Variants in MYRIP observed in about 807,000 individuals in gnomAD.
MYRIP encodes the protein myosin VIIA and Rab interacting protein, also known as rab effector MyRIP.
In MYRIP, 49 loss-of-function variants were observed where a neutral mutation model predicts 98.0. The ratio of observed to expected loss-of-function variants is 0.50; its 90% CI spans 0.40 to 0.63. The LOEUF (loss-of-function observed/expected upper bound fraction) is 0.63, where lower values mean the gene tolerates loss of function less well. Ranked by LOEUF, MYRIP falls within the 30% of genes least tolerant of loss-of-function variation. The pLI, the probability that MYRIP is intolerant of heterozygous loss-of-function variation, is 0.00. For synonymous variants in MYRIP, 404 were observed against 409.5 expected, an observed-to-expected ratio of 0.99 and a Z score of 0.16; for missense variants, 1,004 against 1,058.2, an observed-to-expected ratio of 0.95 and a Z score of 0.71.
intron 7 of MYRIP, among the ~76,000 whole-genome samples, chr3:40,169,487 G>A (rs1950565771): frequency 6.6e-6 from 1 of 152,144 alleles, no homozygotes; most frequent in African/African-American, 2.4e-5. Context: ...CCCTTGATAG[G>A]GCTTCCAGAT....
chr3:40,164,702 C>T (rs933068447), intron 5 of MYRIP, among the ~76,000 whole-genome samples: 5 of 152,194 alleles, frequency 3.3e-5, no homozygotes, highest in South Asian at 4.1e-4. Flanking sequence ...TTAATCTTCC[C>T]TCCTACCCTT....
At chr3:39,905,890 T>C (rs1943867466) in intron 2 of MYRIP, among the ~76,000 whole-genome samples, 1 of 152,106 alleles carries the variant, frequency 6.6e-6, no homozygotes, top group African/African-American at 2.4e-5. Context: ...TATTGGAAAG[T>C]GGTCTTGAGA....
intron 2 of MYRIP, among the ~76,000 whole-genome samples, chr3:39,934,004 A>C (rs958772242): frequency 1.3e-5 from 2 of 152,210 alleles, no homozygotes; most frequent in African/African-American, 4.8e-5. Flanking sequence ...GTAAATTCTC[A>C]TGCTTTAGAC....
chr3:39,942,202 T>G (rs932871008), intron 2 of MYRIP, among the ~76,000 whole-genome samples: 1 of 152,152 alleles, frequency 6.6e-6, no homozygotes. Context: ...GTGTGTTCAG[T>G]GCAGGTCAGA....
At chr3:40,011,182 C>A (rs1946752756) in intron 2 of MYRIP, among the ~76,000 whole-genome samples, 1 of 152,154 alleles carries the variant, frequency 6.6e-6, no homozygotes, top group East Asian at 1.9e-4. Flanking sequence ...GCTGAATGAG[C>A]TCCCTCTAAG....
chr3:39,846,849 G>A (rs901383190), intron 1 of MYRIP, among the ~76,000 whole-genome samples: 5 of 152,136 alleles, frequency 3.3e-5, no homozygotes, highest in African/African-American at 4.8e-5. Flanking sequence ...TGAGACCCAG[G>A]AGAGCTGATG....
intron 2 of MYRIP, among the ~76,000 whole-genome samples, chr3:39,912,295 G>T (rs777098454): frequency 1.9e-4 from 29 of 152,308 alleles, no homozygotes; most frequent in Middle Eastern, 3.4e-3. Flanking sequence ...TGCCCAGTAG[G>T]TTGGCAGGCT....
intron 1 of MYRIP, among the ~76,000 whole-genome samples, chr3:39,821,327 C>G (rs1393483679): frequency 6.6e-6 from 1 of 151,932 alleles, no homozygotes; most frequent in Non-Finnish European, 1.5e-5. Flanking sequence ...CCCCCGACCC[C>G]TGTACCACCC....
intron 3 of MYRIP, among the ~76,000 whole-genome samples, chr3:40,119,566 G>A (rs962937846): frequency 1.9e-4 from 21 of 108,300 alleles, no homozygotes; most frequent in Admixed American, 4.4e-4. Context: ...TTTAAATCCC[G>A]TGGCATATCT....
chr3:39,854,582 C>T (rs1329307278), intron 1 of MYRIP, among the ~76,000 whole-genome samples: 1 of 152,088 alleles, frequency 6.6e-6, no homozygotes, highest in Non-Finnish European at 1.5e-5. Context: ...TGGTTTTCCT[C>T]TTTCTCTGGT....
intron 2 of MYRIP, among the ~76,000 whole-genome samples, chr3:39,901,805 A>T (rs1943749110): frequency 6.6e-6 from 1 of 152,180 alleles, no homozygotes; most frequent in African/African-American, 2.4e-5. Context: ...TCATCAAACA[A>T]GTATATATTT....
At chr3:39,810,671 A>C (rs1940652235) in intron 1 of MYRIP, 1 of 152,274 alleles carries the variant, frequency 6.6e-6, no homozygotes, top group African/African-American at 2.4e-5. Flanking sequence ...TTTTTGGAGC[A>C]CTTGCTCCCC....
At chr3:39,938,900 G>C (rs1385691796) in intron 2 of MYRIP, among the ~76,000 whole-genome samples, 1 of 152,114 alleles carries the variant, frequency 6.6e-6, no homozygotes, top group African/African-American at 2.4e-5. Context: ...TCTCACAAGT[G>C]GCAAAGCAGG....
chr3:40,114,288 G>T (rs979255330), intron 3 of MYRIP, among the ~76,000 whole-genome samples: 1 of 152,148 alleles, frequency 6.6e-6, no homozygotes, highest in African/African-American at 2.4e-5. Context: ...ACAATTACGT[G>T]CTGTACAGGT....
intron 12 of MYRIP, among the ~76,000 whole-genome samples, chr3:40,243,015 T>C (rs1307006686): frequency 6.6e-6 from 1 of 152,210 alleles, no homozygotes; most frequent in African/African-American, 2.4e-5. Flanking sequence ...TAAGATTAAA[T>C]TGTGAAGATC....
intron 2 of MYRIP, among the ~76,000 whole-genome samples, chr3:40,027,539 C>A (rs1231684461): frequency 6.6e-6 from 1 of 152,102 alleles, no homozygotes; most frequent in East Asian, 1.9e-4. Context: ...AATGCCACTT[C>A]CCCAGAGAAG....
intron 11 of MYRIP, among the ~76,000 whole-genome samples, chr3:40,227,981 ATG>A (rs1952535325): frequency 6.6e-6 from 1 of 152,240 alleles, no homozygotes; most frequent in Non-Finnish European, 1.5e-5. Context: ...ATGGGCCTGT[ATG>A]TGCAAATAAG....
At chr3:39,997,603 G>T (rs1380243616) in intron 2 of MYRIP, among the ~76,000 whole-genome samples, 1 of 152,104 alleles carries the variant, frequency 6.6e-6, no homozygotes, top group African/African-American at 2.4e-5. Context: ...TCTACCAGAG[G>T]TACAAGGAGG....
At chr3:40,222,557 TC>T (rs1317792511) in intron 11 of MYRIP, among the ~76,000 whole-genome samples, 1 of 151,880 alleles carries the variant, frequency 6.6e-6, no homozygotes. Context: ...TACCTCTCTG[TC>T]CCCCTACCCC....
Sources: gnomAD v4.1 joint callset for allele counts (sites outside exome capture counted in the v4.1 genomes callset) on GRCh38, gnomAD v4.1.1 for gene constraint, MANE v1.5 for transcripts, NCBI Gene and HGNC (gene_info 2026-07-23, HGNC 2026-07-21) for gene names.